Variants in FSTL5 observed in about 807,000 individuals in gnomAD.
The protein encoded by FSTL5 is follistatin-related protein 5.
In FSTL5, 62 loss-of-function variants were observed where a neutral mutation model predicts 89.1. That is an observed-to-expected ratio of 0.70 (90% confidence interval 0.57 to 0.86). FSTL5 has a LOEUF of 0.86. Ranked by LOEUF, FSTL5 falls within the 40% of genes least tolerant of loss-of-function variation. The probability of loss-of-function intolerance (pLI) is 0.00; values close to 1 mark genes in which losing one functional copy is unlikely to be tolerated. For synonymous variants in FSTL5, 383 were observed against 346.2 expected, an observed-to-expected ratio of 1.11 and a Z score of -1.18; for missense variants, 1,057 against 1,001.6, an observed-to-expected ratio of 1.06 and a Z score of -0.75.
At chr4:161,977,639 AAATAAT>A (rs70937700) in intron 3 of FSTL5, among the ~76,000 whole-genome samples, 48 of 101,178 alleles carry the variant, frequency 4.7e-4, no homozygotes, top group African/African-American at 1.6e-3. Flanking sequence ...AAAAAAAAAA[AAATAAT>A]AATAATAATA....
At chr4:161,800,364 C>A (rs1045960239) in intron 4 of FSTL5, among the ~76,000 whole-genome samples, 4 of 151,690 alleles carry the variant, frequency 2.6e-5, no homozygotes, top group Admixed American at 6.6e-5. Context: ...AATATAAGAA[C>A]TACAGCAACT....
At chr4:161,642,807 G>GA (rs1257327647) in intron 7 of FSTL5, among the ~76,000 whole-genome samples, 1 of 7,748 alleles carries the variant, frequency 1.3e-4, no homozygotes, top group Non-Finnish European at 2.3e-4. Flanking sequence ...AAGATAGAAT[G>GA]GGCATTTGTG....
intron 6 of FSTL5, among the ~76,000 whole-genome samples, chr4:161,693,505 A>G (rs1047445046): frequency 6.6e-6 from 1 of 152,086 alleles, no homozygotes; most frequent in Non-Finnish European, 1.5e-5. Context: ...ATTTTCTTGT[A>G]ACAGATCTAT....
chr4:161,717,089 A>T (rs986475484), intron 6 of FSTL5, among the ~76,000 whole-genome samples: 2 of 152,176 alleles, frequency 1.3e-5, no homozygotes, highest in Admixed American at 1.3e-4. Context: ...TGTTTTAGAT[A>T]ATTGTTTTTG....
intron 2 of FSTL5, among the ~76,000 whole-genome samples, chr4:162,047,720 G>A (rs919947867): frequency 3.9e-5 from 6 of 151,902 alleles, no homozygotes; most frequent in African/African-American, 1.5e-4. Context: ...AGCTTTTTCG[G>A]AGGCTGAGGC....
intron 12 of FSTL5, among the ~76,000 whole-genome samples, chr4:161,486,849 A>C (rs1729700116): frequency 6.6e-6 from 1 of 152,236 alleles, no homozygotes; most frequent in Admixed American, 6.5e-5. Context: ...AATTAATTAC[A>C]AATGTATAAC....
intron 5 of FSTL5, among the ~76,000 whole-genome samples, chr4:161,773,746 G>A (rs757492611): frequency 3.3e-5 from 5 of 152,134 alleles, no homozygotes; most frequent in Non-Finnish European, 5.9e-5. Flanking sequence ...GGTGGGAAAC[G>A]TAAACTAGTA....
intron 11 of FSTL5, 31 bp downstream of exon 11, chr4:161,510,367 G>T (rs779080838): frequency 1.4e-6 from 2 of 1,405,856 alleles, no homozygotes; most frequent in Non-Finnish European, 1.9e-6. Flanking sequence ...AAGCAAAATT[G>T]TCACAACATA....
chr4:161,527,049 C>T (rs1424621593), intron 10 of FSTL5, among the ~76,000 whole-genome samples: 45 of 152,230 alleles, frequency 3.0e-4, no homozygotes, highest in African/African-American at 9.6e-4. Context: ...GCCATTTTCA[C>T]GATATTGATT....
intron 11 of FSTL5, among the ~76,000 whole-genome samples, chr4:161,503,469 A>G (rs1213290023): frequency 6.6e-6 from 1 of 151,824 alleles, no homozygotes; most frequent in African/African-American, 2.4e-5. Context: ...AGCATTTCTT[A>G]AATTTGGCAT....
chr4:161,699,292 A>T (rs761927831), intron 6 of FSTL5, among the ~76,000 whole-genome samples: 1 of 152,250 alleles, frequency 6.6e-6, no homozygotes, highest in Non-Finnish European at 1.5e-5. Context: ...GTATACATAA[A>T]AAGATTTCAT....
chr4:161,818,426 A>G (rs1730394330), intron 4 of FSTL5, among the ~76,000 whole-genome samples: 1 of 152,206 alleles, frequency 6.6e-6, no homozygotes, highest in South Asian at 2.1e-4. Context: ...GAGACAAGGT[A>G]GAGGTTCTAA....
intron 15 of FSTL5, among the ~76,000 whole-genome samples, chr4:161,438,283 G>C (rs1161222901): frequency 6.6e-6 from 1 of 152,086 alleles, no homozygotes; most frequent in Non-Finnish European, 1.5e-5. Flanking sequence ...CTGGCCATTT[G>C]AGGTTTTCCT....
chr4:161,993,514 T>C (rs542928873), intron 3 of FSTL5, among the ~76,000 whole-genome samples: 55 of 152,270 alleles, frequency 3.6e-4, no homozygotes, highest in Admixed American at 1.1e-3. Flanking sequence ...TTTTAATGGA[T>C]ATGTGATAAT....
chr4:161,841,868 T>C (rs973282272), intron 4 of FSTL5, among the ~76,000 whole-genome samples: 1 of 152,098 alleles, frequency 6.6e-6, no homozygotes, highest in African/African-American at 2.4e-5. Flanking sequence ...ATCCTCTCTA[T>C]GGGCCTTAAG....
intron 3 of FSTL5, among the ~76,000 whole-genome samples, chr4:161,962,676 C>T (rs370111390): frequency 4.6e-5 from 7 of 151,642 alleles, no homozygotes; most frequent in Non-Finnish European, 7.4e-5. Flanking sequence ...TAAGTTGATG[C>T]CCTGTCTTTT....
chr4:161,726,227 C>CTTTTTCTT, intron 6 of FSTL5, among the ~76,000 whole-genome samples: 1 of 113,668 alleles, frequency 8.8e-6, no homozygotes, highest in East Asian at 2.6e-4. Context: ...TTTTCTTTTT[C>CTTTTTCTT]TTTTTTTTTT....
chr4:161,975,530 A>G (rs1735610384), intron 3 of FSTL5, among the ~76,000 whole-genome samples: 1 of 144,250 alleles, frequency 6.9e-6, no homozygotes, highest in African/African-American at 2.6e-5. Flanking sequence ...GCATATTCTC[A>G]CTCATAGGTG....
At chr4:161,657,499 AT>A in intron 6 of FSTL5, among the ~76,000 whole-genome samples, 1 of 152,156 alleles carries the variant, frequency 6.6e-6, no homozygotes, top group Non-Finnish European at 1.5e-5. Flanking sequence ...AGGTTGTGAT[AT>A]TTGTCACTGG....
Sources: gnomAD v4.1 joint callset for allele counts (sites outside exome capture counted in the v4.1 genomes callset) on GRCh38, gnomAD v4.1.1 for gene constraint, MANE v1.5 for transcripts, NCBI Gene and HGNC (gene_info 2026-07-23, HGNC 2026-07-21) for gene names.